The following MAP4K5 variants were observed in gnomAD, a reference collection of about 807,000 sequenced individuals.
MAP4K5 encodes the protein mitogen-activated protein kinase kinase kinase kinase 5.
In MAP4K5, 82 loss-of-function variants were observed where a neutral mutation model predicts 135.6. That is an observed-to-expected ratio of 0.60 (90% CI 0.51 to 0.73). The LOEUF (loss-of-function observed/expected upper bound fraction) is 0.73, where lower values mean the gene tolerates loss of function less well. Among genes scored for constraint, MAP4K5 ranks in the 30% least tolerant of loss-of-function variants. The pLI is 0.00. For synonymous variants in MAP4K5, 347 were observed against 335.0 expected, an observed-to-expected ratio of 1.04 and a Z score of -0.39; for missense variants, 907 against 1,010.9, an observed-to-expected ratio of 0.90 and a Z score of 1.39.
intron 1 of MAP4K5, among the ~76,000 whole-genome samples, chr14:50,548,819 T>G (rs2038666498): frequency 6.6e-6 from 1 of 152,048 alleles, no homozygotes; most frequent in African/African-American, 2.4e-5. Flanking sequence ...CTGGTCTCAA[T>G]TATGAAAGGG....
At position 50,473,716 on chromosome 14, in the gene MAP4K5, C is replaced by CTTTTTTTTTTTT. The variant is rs398077753; in HGVS notation, c.542+1349_542+1360dup. 3.1e-5 allele frequency among the ~76,000 whole-genome samples: 3 copies of CTTTTTTTTTTTT among 95,502 alleles called. 1 individual carries two copies. The highest frequency in any genetic ancestry group is 9.4e-5 in the African/African-American group (2 of 21,284). 62.7% of individuals were successfully genotyped at this position (95,502 alleles called of 152,430 possible). Reference sequence around the variant, plus strand: ...GTTACTGATGGCTCTTTTGGTTTCACTTTTTTTTTTTTTTTTTTTTTTTTT... The same window carrying CTTTTTTTTTTTT: ...GTTACTGATGGCTCTTTTGGTTTCACTTTTTTTTTTTTTTTTTTTTTTTTTTTTTTTTTTTTT... On this transcript the variant is annotated intron_variant, in intron 9 of 32. Transcript: ENST00000682126.
In MAP4K5 at chr14:50,546,268, C is replaced by A. The variant is rs547520697; in HGVS notation, c.-179-3684G>T. 2.0e-3 allele frequency among the ~76,000 whole-genome samples: 302 copies of A among 152,270 alleles called. 2 individuals carry two copies. Among genetic ancestry groups the A allele is most frequent in the African/African-American group, 7.0e-3 (291 of 41,544 alleles). ...AAAGTTTAGCCATATGAAGGGGTCC[C>A]AATTTTGTCAAAAATGATATGGATC... On this transcript the variant is annotated intron_variant, in intron 1 of 8. Transcript: ENST00000555216.
At chr14:50,440,130 T>C (rs2036192519) in intron 22 of MAP4K5, 57 bp from the exon 23 acceptor site, 1 of 1,088,950 alleles carries the variant, frequency 9.2e-7, no homozygotes, top group Non-Finnish European at 1.3e-6. Context: ...ATCTTTTAAA[T>C]TCCAACATTC....
At chr14:50,461,243 G>A (rs1259173213) in intron 13 of MAP4K5, among the ~76,000 whole-genome samples, 1 of 151,726 alleles carries the variant, frequency 6.6e-6, no homozygotes, top group East Asian at 1.9e-4. Flanking sequence ...TTGGCCAGCT[G>A]GTCTTGAACT....
At position 50,532,084 on chromosome 14, in the gene MAP4K5, C is replaced by T; in HGVS notation, c.-35G>A. On this transcript the variant is annotated 5_prime_UTR_variant, in exon 2 of 33. Coordinates refer to ENST00000682126, the MANE Select transcript of MAP4K5 (RefSeq NM_006575.6). The stretch of plus-strand genomic sequence containing the variant: ...GGGCCCGGCCCCCGCCAGCTCACCC[C>T]GCGGCTCCCGGATTCCCGCTAACAA... 1 of 1,346,492 alleles carries T rather than the reference C, an allele frequency of 7.4e-7. No individual in the cohort carries two copies. Among genetic ancestry groups the T allele is most frequent in the Non-Finnish European group, 1.0e-6 (1 of 973,788 alleles). The allele number at this position is 1,346,492 out of a possible 1,614,324, so 83.4% of individuals were successfully genotyped here. A position where few individuals can be genotyped will look rare whatever the true frequency, so the allele number is the denominator to read the frequency against.
At chr14:50,463,970 C>G (rs2036772666) in intron 12 of MAP4K5, 82 bp downstream of exon 12, 1 of 517,936 alleles carries the variant, frequency 1.9e-6, no homozygotes, top group African/African-American at 2.3e-5. Flanking sequence ...ACATTTTTAT[C>G]TTAAAAACAT....
At chr14:50,433,319 G>C (rs1038577086) in intron 28 of MAP4K5, among the ~76,000 whole-genome samples, 1 of 152,218 alleles carries the variant, frequency 6.6e-6, no homozygotes, top group African/African-American at 2.4e-5. Context: ...CTTCCATAAA[G>C]AGTATGTTTT....
In MAP4K5 at chr14:50,443,747, T is replaced by C; in HGVS notation, c.1461A>G (p.Pro487=). ...TCCTTACCAGAACTTTTGGGGTGGG[T>C]GGAAGGCCATTGATGGCTGGTTTCT... ...DFPKPAINGL[P]PTPKVLMGAC... The change falls in exon 20 of 33, where the codon CCA becomes CCG. Residue 487 remains proline (P), a synonymous_variant. Transcript: ENST00000682126. 6.3e-7 allele frequency: 1 copy of C among 1,599,514 alleles called. No homozygotes were observed. The highest frequency in any genetic ancestry group is 8.5e-7 in the Non-Finnish European group (1 of 1,175,966).
At chr14:50,429,809 A>G (rs2035930193) in intron 28 of MAP4K5, among the ~76,000 whole-genome samples, 1 of 152,156 alleles carries the variant, frequency 6.6e-6, no homozygotes, top group Non-Finnish European at 1.5e-5. Context: ...AATGAACAAT[A>G]TTGTCAAGAA....
At chr14:50,526,652 T>C (rs2038271996) in intron 2 of MAP4K5, among the ~76,000 whole-genome samples, 2 of 152,212 alleles carry the variant, frequency 1.3e-5, no homozygotes, top group Admixed American at 6.5e-5. Flanking sequence ...CTTCATCTCA[T>C]GTTTGCATCC....
In MAP4K5 at chr14:50,462,767, T is replaced by C. The variant is rs1164327108; in HGVS notation, c.834A>G (p.Ala278=). 1 of 1,609,798 alleles carries C rather than the reference T, an allele frequency of 6.2e-7. No individual in the cohort carries two copies. Among genetic ancestry groups the C allele is most frequent in the East Asian group, 2.2e-5 (1 of 44,778 alleles). ...CTAGGGCTCTAGAGAGACCTGGCTGTGCAACAAAAGTGTGCTAAAAGACAA... is the reference window on the plus strand; with the variant it reads ...CTAGGGCTCTAGAGAGACCTGGCTGCGCAACAAAAGTGTGCTAAAAGACAA... ...AERLLTHTFV[A]QPGLSRALAV... is the part of the protein sequence containing the mutation. The change falls in exon 13 of 33, where the codon GCA becomes GCG. Residue 278 remains alanine (A), a synonymous_variant. Coordinates refer to ENST00000682126, the MANE Select transcript of MAP4K5 (RefSeq NM_006575.6).
intron 2 of MAP4K5, among the ~76,000 whole-genome samples, chr14:50,522,795 G>T (rs2038179320): frequency 6.6e-6 from 1 of 152,066 alleles, no homozygotes; most frequent in South Asian, 2.1e-4. Flanking sequence ...AAGAAAGTAG[G>T]TGATGTTTTG....
At chr14:50,508,674 T>G (rs1595528099) in intron 2 of MAP4K5, among the ~76,000 whole-genome samples, 1 of 151,364 alleles carries the variant, frequency 6.6e-6, no homozygotes, top group Admixed American at 6.6e-5. Context: ...ATGTAACAAA[T>G]CTGCATGTTG....
At chr14:50,528,512 A>C (rs552168969) in intron 2 of MAP4K5, among the ~76,000 whole-genome samples, 1 of 151,884 alleles carries the variant, frequency 6.6e-6, no homozygotes, top group South Asian at 2.1e-4. Flanking sequence ...GGGGTCAAGA[A>C]TTTGAGACTA....
intron 6 of MAP4K5, among the ~76,000 whole-genome samples, chr14:50,477,023 G>C (rs546717005): frequency 6.6e-6 from 1 of 152,108 alleles, no homozygotes; most frequent in African/African-American, 2.4e-5. Flanking sequence ...TTAATAAAAA[G>C]CCTCCTCAAA....
intron 31 of MAP4K5, among the ~76,000 whole-genome samples, chr14:50,424,709 C>CAA (rs57648390): frequency 1.4e-4 from 3 of 21,322 alleles, no homozygotes; most frequent in Admixed American, 6.9e-4. Context: ...GACTCCATCT[C>CAA]AAAAAAAAAA....
chr14:50,527,215 T>C (rs1181939162), intron 2 of MAP4K5, among the ~76,000 whole-genome samples: 1 of 152,082 alleles, frequency 6.6e-6, no homozygotes, highest in Non-Finnish European at 1.5e-5. Context: ...GGCACATGCC[T>C]GTAATCCCAG....
At chr14:50,531,876 A>T (rs2038397702) in intron 2 of MAP4K5, 66 bp downstream of exon 2, 10 of 1,123,284 alleles carry the variant, frequency 8.9e-6, no homozygotes, top group Middle Eastern at 1.9e-4. Context: ...AATACTTCGC[A>T]GGAAAGTGGC....
At chr14:50,560,426 T>C (rs1180202723) in intron 1 of MAP4K5, 3 of 1,253,976 alleles carry the variant, frequency 2.4e-6, no homozygotes, top group Non-Finnish European at 2.3e-6. Flanking sequence ...AGACGGGCCG[T>C]AGCCGAGCCG....
Sources: allele counts gnomAD v4.1 joint callset (sites outside exome capture counted in the v4.1 genomes callset), GRCh38; gene constraint gnomAD v4.1.1; transcripts MANE v1.5; gene names NCBI Gene and HGNC (gene_info 2026-07-23, HGNC 2026-07-21).